TMCO5A: variants seen among roughly 807,000 people sequenced by gnomAD.
The protein encoded by TMCO5A is transmembrane and coiled-coil domain-containing protein 5A.
Under a neutral mutation model 42.3 loss-of-function variants are expected in TMCO5A, and 34 were observed. The ratio of observed to expected loss-of-function variants is 0.80; its 90% CI spans 0.61 to 1.07. The LOEUF is 1.07. Among genes scored for constraint, TMCO5A ranks in the 50% least tolerant of loss-of-function variants. The pLI, the probability that TMCO5A is intolerant of heterozygous loss-of-function variation, is 0.00. For missense variants in TMCO5A, 357 were observed against 327.9 expected (o/e 1.09, Z -0.69); for synonymous variants, 131 against 115.6 (o/e 1.13, Z -0.86).
At chr15:37,999,246 T>G in the TMCO5A span, among the ~76,000 whole-genome samples, 1 of 152,210 alleles carries the variant, frequency 6.6e-6, no homozygotes. Context: ...GATCTTTCTC[T>G]TCTTTGGTTA....
chr15:37,970,307 T>C (rs544851700), downstream of TMCO5A, among the ~76,000 whole-genome samples: 11 of 152,308 alleles, frequency 7.2e-5, no homozygotes, highest in South Asian at 1.7e-3. Flanking sequence ...ACAGCTTGTG[T>C]AGGAAAACTC....
the TMCO5A span, among the ~76,000 whole-genome samples, chr15:37,989,325 A>T: frequency 6.6e-6 from 1 of 151,726 alleles, no homozygotes; most frequent in South Asian, 2.1e-4. Flanking sequence ...AATCTTTATT[A>T]TTTGTTTCTT....
At chr15:37,971,546 T>C (rs1890673678), downstream of TMCO5A, among the ~76,000 whole-genome samples, 1 of 152,238 alleles carries the variant, frequency 6.6e-6, no homozygotes, top group African/African-American at 2.4e-5. Flanking sequence ...CTTGAATTTC[T>C]CCTCAGAAAA....
the TMCO5A span, among the ~76,000 whole-genome samples, chr15:37,972,816 C>T: frequency 6.6e-6 from 1 of 152,234 alleles, no homozygotes; most frequent in African/African-American, 2.4e-5. Context: ...GGTTTTGTTG[C>T]AATTGTTTTT....
At chr15:37,962,495 T>C (rs1323268571) in intron 11 of TMCO5A, among the ~76,000 whole-genome samples, 1 of 152,114 alleles carries the variant, frequency 6.6e-6, no homozygotes, top group Non-Finnish European at 1.5e-5. Flanking sequence ...CAATCTGTAG[T>C]TTTCTTTTTT....
the TMCO5A span, among the ~76,000 whole-genome samples, chr15:37,997,888 T>C: frequency 2.0e-5 from 3 of 152,214 alleles, no homozygotes; most frequent in South Asian, 4.1e-4. Flanking sequence ...TGTCTGTCAT[T>C]TGAATAACTG....
At chr15:37,991,949 CA>C in the TMCO5A span, among the ~76,000 whole-genome samples, 1 of 152,038 alleles carries the variant, frequency 6.6e-6, no homozygotes, top group African/African-American at 2.4e-5. Context: ...TAGGAACTGG[CA>C]AAGGTTTCAT....
the TMCO5A span, among the ~76,000 whole-genome samples, chr15:38,032,751 C>T: frequency 6.6e-6 from 1 of 152,142 alleles, no homozygotes; most frequent in Non-Finnish European, 1.5e-5. Context: ...TAGGAAACCA[C>T]ATCATCACAA....
the TMCO5A span, among the ~76,000 whole-genome samples, chr15:38,030,837 C>A: frequency 6.6e-6 from 1 of 152,176 alleles, no homozygotes; most frequent in Non-Finnish European, 1.5e-5. Context: ...TTACATGGCA[C>A]CTCCTCAAGG....
chr15:38,000,811 C>T, the TMCO5A span, among the ~76,000 whole-genome samples: 1 of 152,038 alleles, frequency 6.6e-6, no homozygotes, highest in Admixed American at 6.5e-5. Context: ...TGTACAGTTA[C>T]CAACATTCCT....
the TMCO5A span, among the ~76,000 whole-genome samples, chr15:37,984,439 T>C: frequency 6.6e-6 from 1 of 152,150 alleles, no homozygotes; most frequent in Non-Finnish European, 1.5e-5. Flanking sequence ...GTTAGAATAT[T>C]TTCTAAACAG....
At chr15:37,986,964 T>G in the TMCO5A span, among the ~76,000 whole-genome samples, 7,119 of 152,134 alleles carry the variant, frequency 0.047, 553 homozygotes, top group African/African-American at 0.16. Flanking sequence ...TATTTTGAAT[T>G]TTTTAAGGAA....
chr15:37,946,261 T>A (rs1050856975), intron 10 of TMCO5A, among the ~76,000 whole-genome samples: 3 of 152,216 alleles, frequency 2.0e-5, no homozygotes, highest in Non-Finnish European at 4.4e-5. Flanking sequence ...TTTTGGTTAC[T>A]GTAGCCTTGT....
the TMCO5A span, among the ~76,000 whole-genome samples, chr15:38,011,557 T>C: frequency 6.6e-6 from 1 of 152,210 alleles, no homozygotes; most frequent in Non-Finnish European, 1.5e-5. Flanking sequence ...GCACCAAGTC[T>C]TTTCATTTGA....
the TMCO5A span, among the ~76,000 whole-genome samples, chr15:38,024,131 C>A: frequency 1.8e-3 from 267 of 152,296 alleles, 4 homozygotes; most frequent in Non-Finnish European, 1.2e-3. Context: ...AGAGAAGGGA[C>A]AATGGTCTCT....
chr15:37,967,826 T>A (rs1255436929), downstream of TMCO5A: 1 of 152,204 alleles, frequency 6.6e-6, no homozygotes, highest in South Asian at 2.1e-4. Flanking sequence ...GGAGGGGTCA[T>A]TCTAGCATTC....
chr15:37,960,411 A>T (rs896652350), intron 11 of TMCO5A, among the ~76,000 whole-genome samples: 6 of 151,932 alleles, frequency 3.9e-5, no homozygotes, highest in African/African-American at 1.4e-4. Context: ...AATATACCAC[A>T]ATTTTTTTAT....
intron 11 of TMCO5A, among the ~76,000 whole-genome samples, chr15:37,962,196 A>G (rs1038038295): frequency 1.3e-5 from 2 of 152,078 alleles, no homozygotes; most frequent in Non-Finnish European, 2.9e-5. Context: ...GGCTTTTATT[A>G]CATTGAGGTA....
the TMCO5A span, among the ~76,000 whole-genome samples, chr15:38,030,679 C>A: frequency 6.6e-6 from 1 of 152,272 alleles, no homozygotes; most frequent in African/African-American, 2.4e-5. Context: ...TACTGCTCAC[C>A]CTTCCACTCA....
Sources: allele counts gnomAD v4.1 joint callset (sites outside exome capture counted in the v4.1 genomes callset), GRCh38; gene constraint gnomAD v4.1.1; transcripts MANE v1.5; gene names NCBI Gene and HGNC (gene_info 2026-07-23, HGNC 2026-07-21).